JKAMP: variants seen among roughly 807,000 people sequenced by gnomAD.
JKAMP encodes JNK1/MAPK8-associated membrane protein.
A neutral mutation model predicts 40.2 loss-of-function variants in JKAMP; 20 were observed. That is an observed-to-expected ratio of 0.50 (90% confidence interval 0.35 to 0.72). JKAMP has a LOEUF of 0.72. JKAMP is among the 30% of genes least tolerant of loss of function. The pLI is 0.01. For missense variants in JKAMP, 276 were observed against 373.0 expected, an observed-to-expected ratio of 0.74 and a Z score of 2.14; for synonymous variants, 138 against 131.6, an observed-to-expected ratio of 1.05 and a Z score of -0.33.
chr14:59,489,895 T>G (rs188695184), intron 3 of JKAMP, among the ~76,000 whole-genome samples: 1 of 152,134 alleles, frequency 6.6e-6, no homozygotes, highest in East Asian at 1.9e-4. Context: ...TCTTTCATTT[T>G]TTTTAATGTT....
chr14:59,489,136 T>TA (rs1382806927), intron 3 of JKAMP, among the ~76,000 whole-genome samples: 1 of 152,272 alleles, frequency 6.6e-6, no homozygotes, highest in Non-Finnish European at 1.5e-5. Flanking sequence ...TTTTCTTCTC[T>TA]ACCACATGGC....
intron 3 of JKAMP, among the ~76,000 whole-genome samples, chr14:59,492,821 C>T (rs1411010582): frequency 3.7e-5 from 5 of 135,148 alleles, no homozygotes; most frequent in African/African-American, 1.4e-4. Context: ...TTTTTTGAGA[C>T]GAGTCTTGCT....
At position 59,505,366 on chromosome 14, in the gene JKAMP, TG is replaced by T. The variant is rs957384360; in HGVS notation, c.*1300del. 4 of 993,166 alleles carry T rather than the reference TG, an allele frequency of 4.0e-6. No homozygotes were observed. Among genetic ancestry groups the T allele is most frequent in the Admixed American group, 2.7e-5 (1 of 37,514 alleles). 61.5% of individuals were successfully genotyped at this position (993,166 alleles called of 1,614,324 possible). A position where few individuals can be genotyped will look rare whatever the true frequency, so the allele number is the denominator to read the frequency against. ...AAATTTTATTTGTATTGCACACATTTGGGGGGTTATTAGTGTTCATTAAAAT... is the reference window on the plus strand; with the variant it reads ...AAATTTTATTTGTATTGCACACATTTGGGGGTTATTAGTGTTCATTAAAAT... On this transcript the variant is annotated 3_prime_UTR_variant, in exon 7 of 7. Transcript: ENST00000616435.
Position 59,498,925 on chromosome 14 carries a change from A to C in JKAMP, c.640+17A>C. 4 of 1,474,472 alleles carry C rather than the reference A, an allele frequency of 2.7e-6. No individual in the cohort carries two copies. Among genetic ancestry groups the C allele is most frequent in the Non-Finnish European group, 3.7e-6 (4 of 1,079,584 alleles). The allele number at this position is 1,474,472 out of a possible 1,614,324, so 91.3% of individuals were successfully genotyped here. A position where few individuals can be genotyped will look rare whatever the true frequency, so the allele number is the denominator to read the frequency against. Reference sequence around the variant, plus strand: ...GCCTTTTATGTAAGTTTGATGGGTAAAGTCAATGAAATATATTTATTATTG... The same window carrying C: ...GCCTTTTATGTAAGTTTGATGGGTACAGTCAATGAAATATATTTATTATTG... On this transcript the variant is annotated intron_variant, in intron 5 of 6. Transcript: ENST00000616435.
intron 3 of JKAMP, among the ~76,000 whole-genome samples, chr14:59,489,291 T>C (rs1172694678): frequency 6.6e-6 from 1 of 152,248 alleles, no homozygotes; most frequent in Non-Finnish European, 1.5e-5. Flanking sequence ...TTTTGTTGCT[T>C]AATGATTTCT....
intron 5 of JKAMP, among the ~76,000 whole-genome samples, chr14:59,499,247 C>T (rs1003962920): frequency 4.0e-5 from 6 of 151,554 alleles, no homozygotes; most frequent in Non-Finnish European, 8.8e-5. Context: ...ACATTGATCT[C>T]GATCTCCTGA....
chr14:59,498,722 T>C lies in JKAMP; in HGVS notation c.459-5T>C. On this transcript the variant is annotated splice_region_variant and splice_polypyrimidine_tract_variant and intron_variant, in intron 4 of 6. Coordinates refer to ENST00000616435, the MANE Select transcript of JKAMP (RefSeq NM_016475.5). ...ATGTTACAAATTCTTTATTTTATTT[T>C]ACAGATATACCATTGTATTTATCTA... The C allele has an allele frequency of 7.2e-7, 1 of 1,396,348 alleles. No homozygotes were observed. The allele number at this position is 1,396,348 out of a possible 1,614,324, so 86.5% of individuals were successfully genotyped here. A position where few individuals can be genotyped will look rare whatever the true frequency, so the allele number is the denominator to read the frequency against.
At chr14:59,492,489 C>T (rs914606616) in intron 3 of JKAMP, among the ~76,000 whole-genome samples, 6 of 152,166 alleles carry the variant, frequency 3.9e-5, no homozygotes, top group African/African-American at 1.4e-4. Context: ...CTGCAAGTGA[C>T]ATGCCAATTA....
Position 59,501,069 on chromosome 14 carries a change from A to G in JKAMP, c.641-122A>G, listed in dbSNP as rs542444153. ...CACTGCCTCAGAACCTTAGGTTGTA[A>G]GTCTCACAGAACTGGTTGAGAAAGG... is the stretch of plus-strand genomic sequence containing the variant. On this transcript the variant is annotated intron_variant, in intron 5 of 6. Coordinates refer to ENST00000616435, the MANE Select transcript of JKAMP (RefSeq NM_016475.5). The G allele has an allele frequency of 6.5e-5, 41 of 627,964 alleles. 1 individual carries two copies. In the South Asian group the frequency reaches 7.9e-4, roughly 12 times the overall value. 38.9% of individuals were successfully genotyped at this position (627,964 alleles called of 1,614,324 possible).
intron 4 of JKAMP, among the ~76,000 whole-genome samples, chr14:59,496,498 CTCATT>C (rs1017659523): frequency 1.3e-5 from 2 of 151,912 alleles, no homozygotes; most frequent in Non-Finnish European, 2.9e-5. Context: ...TAGCGATAGT[CTCATT>C]TATGTTATTT....
At chr14:59,495,573 T>A (rs1259998181) in intron 4 of JKAMP, among the ~76,000 whole-genome samples, 4 of 152,224 alleles carry the variant, frequency 2.6e-5, no homozygotes, top group Admixed American at 1.3e-4. Flanking sequence ...TCTGTTAGAA[T>A]GTTTTGTTTT....
intron 4 of JKAMP, 65 bp downstream of exon 4, chr14:59,495,289 T>G: frequency 7.7e-7 from 1 of 1,301,242 alleles, no homozygotes; most frequent in Middle Eastern, 1.9e-4. Flanking sequence ...ATTATAGATT[T>G]TATGGCGTTT....
intron 4 of JKAMP, among the ~76,000 whole-genome samples, chr14:59,496,726 G>A (rs1244656854): frequency 6.6e-6 from 1 of 152,106 alleles, no homozygotes; most frequent in African/African-American, 2.4e-5. Flanking sequence ...TCATTGATTA[G>A]GACATTTTTT....
intron 3 of JKAMP, among the ~76,000 whole-genome samples, chr14:59,494,159 G>A (rs1037034572): frequency 6.6e-6 from 1 of 151,520 alleles, no homozygotes; most frequent in African/African-American, 2.4e-5. Flanking sequence ...ACATCTCAGG[G>A]TGTGGAAGGA....
Position 59,503,969 on chromosome 14 carries a change from T to G in JKAMP, c.833T>G (p.Leu278Trp). 1 of 1,613,840 alleles carries G rather than the reference T, an allele frequency of 6.2e-7. No individual in the cohort carries two copies. The highest frequency in any genetic ancestry group is 1.3e-5 in the African/African-American group (1 of 75,032). ...ISRVDKLEQD[L>W]PLLALVPTPA... ...AGAGTGGATAAACTTGAGCAAGATT[T>G]GCCCCTTTTGGCTTTGGTACCTACA... The change falls in exon 7 of 7, where the codon TTG becomes TGG. Residue 278 changes from leucine to tryptophan, a missense_variant. Leu to Trp is a moderately conservative substitution (Grantham distance 61, BLOSUM62 -2). Transcript: ENST00000616435.
At chr14:59,489,197 A>C (rs1890804721) in intron 3 of JKAMP, among the ~76,000 whole-genome samples, 1 of 139,564 alleles carries the variant, frequency 7.2e-6, no homozygotes, top group African/African-American at 2.8e-5. Flanking sequence ...TTTTAAGTAT[A>C]AGTCCCAATT....
chr14:59,497,907 T>C (rs1200384603), intron 4 of JKAMP, among the ~76,000 whole-genome samples: 1 of 152,168 alleles, frequency 6.6e-6, no homozygotes, highest in Non-Finnish European at 1.5e-5. Flanking sequence ...GGGAGAGGGT[T>C]TGAGTAGCAA....
At chr14:59,485,376 T>G in intron 1 of JKAMP, 1 of 368,430 alleles carries the variant, frequency 2.7e-6, no homozygotes, top group Non-Finnish European at 4.8e-6. Context: ...GCCAGTGGGT[T>G]TAAAAAGCTA....
intron 6 of JKAMP, among the ~76,000 whole-genome samples, chr14:59,502,773 T>TATTTTTTTG: frequency 9.7e-6 from 1 of 102,850 alleles, no homozygotes; most frequent in East Asian, 2.8e-4. Flanking sequence ...TTTTTTTTTT[T>TATTTTTTTG]CGGAGTCTCA....
Sources: allele counts gnomAD v4.1 joint callset (sites outside exome capture counted in the v4.1 genomes callset), GRCh38; gene constraint gnomAD v4.1.1; transcripts MANE v1.5; gene names NCBI Gene and HGNC (gene_info 2026-07-23, HGNC 2026-07-21).